The following RPL6 variants were observed in gnomAD, a reference collection of about 807,000 sequenced individuals.
RPL6 encodes the protein ribosomal protein L6, also known as large ribosomal subunit protein eL6.
A neutral mutation model predicts 32.1 loss-of-function variants in RPL6; 1 was observed. That is an observed-to-expected ratio of 0.03 (90% CI 0.01 to 0.15). RPL6 has a LOEUF of 0.15. Among genes scored for constraint, RPL6 ranks in the 10% least tolerant of loss-of-function variants. RPL6 has a pLI of 1.00. For synonymous variants in RPL6, 126 were observed against 131.6 expected, an observed-to-expected ratio of 0.96 and a Z score of 0.29; for missense variants, 275 against 354.6, an observed-to-expected ratio of 0.78 and a Z score of 1.80.
At chr12:112,406,506 CCA>C in intron 4 of RPL6, 164 bp from the exon 5 acceptor site, 1 of 785,670 alleles carries the variant, frequency 1.3e-6, no homozygotes, top group Non-Finnish European at 2.0e-6. Context: ...AGGTAGTACT[CCA>C]GACATAAACA....
At chr12:112,415,473 G>A (rs1259854010) in intron 1 of RPL6, among the ~76,000 whole-genome samples, 1 of 152,178 alleles carries the variant, frequency 6.6e-6, no homozygotes, top group African/African-American at 2.4e-5. Flanking sequence ...AGCACTTTGG[G>A]AGGCTGAGGT....
intron 1 of RPL6, chr12:112,408,904 G>A (rs562338598): frequency 1.8e-5 from 8 of 455,050 alleles, no homozygotes; most frequent in East Asian, 3.4e-5. Flanking sequence ...ACACCTATTA[G>A]GTTTTTTGCC....
upstream of RPL6, among the ~76,000 whole-genome samples, chr12:112,411,061 C>A (rs1217970641): frequency 6.6e-6 from 1 of 152,188 alleles, no homozygotes; most frequent in Non-Finnish European, 1.5e-5. Context: ...TATGAGGAAA[C>A]TGAGTCTCAA....
chr12:112,412,109 G>A (rs961352339), upstream of RPL6, among the ~76,000 whole-genome samples: 3 of 151,824 alleles, frequency 2.0e-5, no homozygotes, highest in Non-Finnish European at 4.4e-5. Context: ...GCATGATCTC[G>A]GCTCACTGCA....
intron 1 of RPL6, among the ~76,000 whole-genome samples, chr12:112,417,428 G>C (rs1307091383): frequency 1.3e-5 from 2 of 151,918 alleles, no homozygotes; most frequent in African/African-American, 4.8e-5. Flanking sequence ...AATCTGGTCT[G>C]AGCTACCATT....
At chr12:112,413,274 C>T (rs768101053), upstream of RPL6, among the ~76,000 whole-genome samples, 3 of 152,122 alleles carry the variant, frequency 2.0e-5, 1 homozygote, top group Admixed American at 1.3e-4. Flanking sequence ...CGGTGGCTCA[C>T]GCCTGTAATC....
chr12:112,405,599 A>G (rs889428409), intron 6 of RPL6: 2 of 618,348 alleles, frequency 3.2e-6, no homozygotes, highest in South Asian at 2.2e-5. Flanking sequence ...CACATCAAGG[A>G]TAAGTAAGGG....
intron 1 of RPL6, chr12:112,418,605 A>G (rs1420568146): frequency 8.1e-6 from 2 of 247,680 alleles, no homozygotes; most frequent in African/African-American, 4.4e-5. Context: ...GACAGTAGGT[A>G]ATTTCCCCAA....
At chr12:112,412,612 G>A (rs1228132300), upstream of RPL6, among the ~76,000 whole-genome samples, 29 of 152,002 alleles carry the variant, frequency 1.9e-4, no homozygotes, top group Admixed American at 1.9e-3. Context: ...GTAGCTGGGA[G>A]TACAGTGCAC....
At chr12:112,417,981 A>AATTATT (rs199659493) in intron 1 of RPL6, among the ~76,000 whole-genome samples, 1,588 of 148,512 alleles carry the variant, frequency 0.011, 26 homozygotes, top group African/African-American at 0.036. Flanking sequence ...TATTTATTGT[A>AATTATT]ATTATTATTA....
At chr12:112,409,909 C>T (rs930726793), upstream of RPL6, among the ~76,000 whole-genome samples, 2 of 150,306 alleles carry the variant, frequency 1.3e-5, no homozygotes, top group Non-Finnish European at 3.0e-5. Context: ...CCAGTCGAGG[C>T]GCGGAGGCAG....
rs781520112 is a variant in RPL6 at position 112,408,549 on chromosome 12, C to T, written c.108G>A (p.Lys36=). The part of the protein sequence containing the change: ...KVKKGNLKAK[K]PKKGKPHCSR... Reference sequence around the variant, plus strand: ...TGCAATGGGGCTTCCCCTTCTTGGGCTTTTTAGCTTTGAGGTTACCCTTTT... The same window carrying T: ...TGCAATGGGGCTTCCCCTTCTTGGGTTTTTTAGCTTTGAGGTTACCCTTTT... The change falls in exon 2 of 7, where the codon AAG becomes AAA. Residue 36 remains lysine (K), a synonymous_variant. Transcript: ENST00000202773. 5.6e-6 allele frequency: 9 copies of T among 1,608,936 alleles called. No individual in the cohort carries two copies. In the Admixed American group the frequency reaches 1.5e-4, roughly 27 times the overall value.
At chr12:112,407,361 T>A (rs1157198039) in intron 3 of RPL6, 2 of 156,594 alleles carry the variant, frequency 1.3e-5, no homozygotes, top group African/African-American at 4.8e-5. Context: ...GCAGATCATT[T>A]ATTGCAGAAG....
intron 3 of RPL6, 182 bp downstream of exon 3, chr12:112,408,058 G>A (rs909397537): frequency 1.3e-5 from 8 of 600,644 alleles, no homozygotes; most frequent in Admixed American, 9.1e-5. Flanking sequence ...AAGCACAGAC[G>A]AGTAATTTAA....
At chr12:112,410,091 G>A (rs553801310), upstream of RPL6, among the ~76,000 whole-genome samples, 9 of 151,304 alleles carry the variant, frequency 5.9e-5, 1 homozygote, top group Admixed American at 4.0e-4. Flanking sequence ...GCGTGCCACC[G>A]CACTCCAGCC....
intron 4 of RPL6, 44 bp downstream of exon 4, chr12:112,406,703 C>G (rs2037178931): frequency 6.2e-7 from 1 of 1,608,896 alleles, no homozygotes; most frequent in Admixed American, 1.7e-5. Flanking sequence ...CACCAGGCAC[C>G]CCAGGCAGCT....
At position 112,408,321 on chromosome 12, in the gene RPL6, C is replaced by T. The variant is rs756403086; in HGVS notation, c.255G>A (p.Lys85=). 3.1e-6 allele frequency: 5 copies of T among 1,613,314 alleles called. No homozygotes were observed. The South Asian group carries it at 3.3e-5, about 11-fold the overall frequency. The part of the protein sequence containing the change: ...AAKSKVEKKK[K]EKVLATVTKP... ...TTGTAACAGTTGCGAGAACCTTCTC[C>T]TTCTTTTTCTTTTCAACCTACAAGG... The change falls in exon 3 of 7, where the codon AAG becomes AAA. Residue 85 remains lysine, a synonymous_variant. Transcript: ENST00000202773.
intron 1 of RPL6, chr12:112,418,695 C>G (rs1025321733): frequency 6.0e-6 from 2 of 333,270 alleles, no homozygotes; most frequent in South Asian, 3.9e-5. Flanking sequence ...CCGGACGGGT[C>G]GGTGGCGTAG....
At chr12:112,414,912 A>AG (rs2037386525), upstream of RPL6, among the ~76,000 whole-genome samples, 3 of 151,892 alleles carry the variant, frequency 2.0e-5, no homozygotes, top group South Asian at 6.2e-4. Context: ...AAAAAAAAAA[A>AG]CAAAACAAAA....
Sources: gnomAD v4.1 joint callset for allele counts (sites outside exome capture counted in the v4.1 genomes callset) on GRCh38, gnomAD v4.1.1 for gene constraint, MANE v1.5 for transcripts, NCBI Gene and HGNC (gene_info 2026-07-23, HGNC 2026-07-21) for gene names.